The following CC2D2A variants were observed in gnomAD, a reference collection of about 807,000 sequenced individuals.
The protein encoded by CC2D2A is coiled-coil and C2 domain-containing protein 2A.
In CC2D2A, 155 loss-of-function variants were observed where a neutral mutation model predicts 212.9. That is an observed-to-expected ratio of 0.73 (90% CI 0.64 to 0.83). The LOEUF (loss-of-function observed/expected upper bound fraction) is 0.83. CC2D2A is among the 40% of genes least tolerant of loss of function. The pLI is 0.00. For missense variants in CC2D2A, 1,856 were observed against 1,956.2 expected (o/e 0.95, Z 0.97); for synonymous variants, 667 against 686.5 (o/e 0.97, Z 0.44).
intron 32 of CC2D2A, 60 bp downstream of exon 32, chr4:15,587,989 T>G: frequency 1.1e-6 from 1 of 922,052 alleles, no homozygotes; most frequent in East Asian, 2.5e-5. Flanking sequence ...AGTTGTGTGT[T>G]CCAGATCACA....
chr4:15,477,301 C>CA (rs368935605), intron 2 of CC2D2A, among the ~76,000 whole-genome samples: 6,015 of 86,452 alleles, frequency 0.07, 166 homozygotes, highest in African/African-American at 0.1. Context: ...GACTCCATCT[C>CA]AAAAAAAAAA....
At position 15,563,437 on chromosome 4, in the gene CC2D2A, GC is replaced by G; in HGVS notation, c.3100del (p.Gln1034LysfsTer8). On this transcript the variant is annotated frameshift_variant, in exon 24 of 37. Coordinates refer to ENST00000424120, the MANE Select transcript of CC2D2A (RefSeq NM_001378615.1). LOFTEE classifies it high-confidence loss of function. ...PRRKGRKKVT[A>X]QNLSDGDIKL... Reference sequence around the variant, plus strand: ...GAGAAAAGGTCGGAAGAAGGTGACAGCCCAAAACCTGTCTGATGGAGACATA... The same window carrying G: ...GAGAAAAGGTCGGAAGAAGGTGACAGCCAAAACCTGTCTGATGGAGACATA... The G allele has an allele frequency of 6.2e-7, 1 of 1,611,210 alleles. No individual in the cohort carries two copies. The highest frequency in any genetic ancestry group is 8.5e-7 in the Non-Finnish European group (1 of 1,178,730).
intron 13 of CC2D2A, among the ~76,000 whole-genome samples, chr4:15,530,253 G>A (rs929770386): frequency 6.6e-6 from 1 of 152,194 alleles, no homozygotes; most frequent in African/African-American, 2.4e-5. Context: ...TTACAGGCGT[G>A]AGCCACCGCG....
chr4:15,578,930 CTG>C (rs920689374), intron 29 of CC2D2A, among the ~76,000 whole-genome samples: 5 of 152,034 alleles, frequency 3.3e-5, no homozygotes, highest in African/African-American at 1.2e-4. Flanking sequence ...GTGTGAGACA[CTG>C]TGCCCAGCCC....
At chr4:15,586,681 G>A (rs1720868655) in intron 31 of CC2D2A, among the ~76,000 whole-genome samples, 1 of 151,942 alleles carries the variant, frequency 6.6e-6, no homozygotes, top group Non-Finnish European at 1.5e-5. Flanking sequence ...ACTAAATTCT[G>A]GCTATAAATG....
chr4:15,504,038 T>A (rs748497951), intron 6 of CC2D2A, among the ~76,000 whole-genome samples: 12 of 152,206 alleles, frequency 7.9e-5, no homozygotes, highest in Non-Finnish European at 1.8e-4. Context: ...AATTGGTTTT[T>A]TGTTGTTTTT....
chr4:15,552,531 T>C (rs1335472860), intron 18 of CC2D2A, among the ~76,000 whole-genome samples: 1 of 152,214 alleles, frequency 6.6e-6, no homozygotes. Context: ...AGCACTTACA[T>C]ACAATCTCTA....
chr4:15,585,757 C>G (rs548700384), intron 30 of CC2D2A, among the ~76,000 whole-genome samples: 1 of 152,266 alleles, frequency 6.6e-6, no homozygotes, highest in African/African-American at 2.4e-5. Context: ...TTCCCAAGTA[C>G]TATTGGGAAC....
At chr4:15,492,722 C>A in intron 4 of CC2D2A, 1 of 801,330 alleles carries the variant, frequency 1.2e-6, no homozygotes, top group Non-Finnish European at 2.0e-6. Context: ...GTCCAGGGGT[C>A]TTACTCCTTG....
chr4:15,579,481 T>G (rs1361203742), intron 29 of CC2D2A, among the ~76,000 whole-genome samples: 1 of 152,228 alleles, frequency 6.6e-6, no homozygotes, highest in Non-Finnish European at 1.5e-5. Flanking sequence ...TTTCACTGCT[T>G]ATGGACTTGA....
chr4:15,577,867 TAA>T (rs1720480366), intron 29 of CC2D2A, among the ~76,000 whole-genome samples: 1 of 152,200 alleles, frequency 6.6e-6, no homozygotes, highest in South Asian at 2.1e-4. Flanking sequence ...CCCTGTAGAC[TAA>T]AAGTTCTTTT....
In CC2D2A at chr4:15,533,307, T is replaced by C. The variant is rs771736489; in HGVS notation, c.1581T>C (p.Asn527=). 1.9e-6 allele frequency: 3 copies of C among 1,579,954 alleles called. No individual in the cohort carries two copies. Among genetic ancestry groups the C allele is most frequent in the South Asian group, 2.4e-5 (2 of 85,074 alleles). ...KSLREFQRFT[N]TPLKLVLRKE... ...TTCGAGAGTTCCAGAGATTTACAAATACTCCCTTGAAACTTGTTTTGAGAA... is the reference window on the plus strand; with the variant it reads ...TTCGAGAGTTCCAGAGATTTACAAACACTCCCTTGAAACTTGTTTTGAGAA... The change falls in exon 14 of 37, where the codon AAT becomes AAC. Residue 527 remains asparagine, a synonymous_variant. Transcript: ENST00000424120.
In CC2D2A at chr4:15,569,361, TTGATGAAG is replaced by T; in HGVS notation, c.3469_3476del (p.Asp1157ThrfsTer3). ...AAAGATGTTGTGTTCATTAACATTT[TTGATGAAG>T]TACTGCATGATGTCTTAGAGGTAAG... is the stretch of plus-strand genomic sequence containing the variant. On this transcript the variant is annotated frameshift_variant, in exon 27 of 37. Transcript: ENST00000424120. LOFTEE classifies it high-confidence loss of function. 6.3e-7 allele frequency: 1 copy of T among 1,576,964 alleles called. No homozygotes were observed. Among genetic ancestry groups the T allele is most frequent in the Non-Finnish European group, 8.6e-7 (1 of 1,159,008 alleles).
intron 30 of CC2D2A, among the ~76,000 whole-genome samples, chr4:15,581,360 G>A (rs1168781560): frequency 1.3e-5 from 2 of 152,208 alleles, no homozygotes; most frequent in South Asian, 4.1e-4. Context: ...AGTCATGGCT[G>A]AAATGAAAGT....
intron 4 of CC2D2A, among the ~76,000 whole-genome samples, chr4:15,492,021 C>G (rs149573277): frequency 2.0e-4 from 31 of 152,254 alleles, no homozygotes; most frequent in African/African-American, 6.7e-4. Flanking sequence ...TTAGCTCTTA[C>G]GTTTCTCTAG....
intron 8 of CC2D2A, among the ~76,000 whole-genome samples, chr4:15,513,535 C>T (rs749574105): frequency 2.6e-5 from 4 of 152,254 alleles, no homozygotes; most frequent in African/African-American, 7.2e-5. Flanking sequence ...TTTTAAATCA[C>T]ACACATTTGG....
intron 31 of CC2D2A, 75 bp from the exon 32 acceptor site, chr4:15,587,741 A>G (rs1401147300): frequency 1.0e-5 from 8 of 777,162 alleles, no homozygotes; most frequent in Non-Finnish European, 1.8e-5. Context: ...CTACTATGAC[A>G]TATTAGAATC....
intron 33 of CC2D2A, among the ~76,000 whole-genome samples, chr4:15,594,420 G>C (rs1030523659): frequency 3.3e-5 from 5 of 152,094 alleles, no homozygotes; most frequent in African/African-American, 7.2e-5. Context: ...TGCTAATTGA[G>C]GCTGGGCAAC....
chr4:15,595,954 C>A, intron 33 of CC2D2A, 131 bp from the exon 34 acceptor site: 3 of 536,508 alleles, frequency 5.6e-6, no homozygotes, highest in Non-Finnish European at 8.8e-6. Context: ...CAAAAAATGA[C>A]AAAATGTATG....
Sources: gnomAD v4.1 joint callset for allele counts (sites outside exome capture counted in the v4.1 genomes callset) on GRCh38, gnomAD v4.1.1 for gene constraint, MANE v1.5 for transcripts, NCBI Gene and HGNC (gene_info 2026-07-23, HGNC 2026-07-21) for gene names.